The following SLC9A9 variants were observed in gnomAD, a reference collection of about 807,000 sequenced individuals.
SLC9A9 encodes sodium/hydrogen exchanger 9.
In SLC9A9, 62 loss-of-function variants were observed where a neutral mutation model predicts 77.8. That is an observed-to-expected ratio of 0.80 (90% CI 0.65 to 0.98). The LOEUF is 0.98. Among genes scored for constraint, SLC9A9 ranks in the 50% least tolerant of loss-of-function variants. SLC9A9 has a pLI of 0.00. For missense variants in SLC9A9, 775 were observed against 774.9 expected, an observed-to-expected ratio of 1.00 and a Z score of 0.00; for synonymous variants, 320 against 283.5, an observed-to-expected ratio of 1.13 and a Z score of -1.29.
intron 12 of SLC9A9, among the ~76,000 whole-genome samples, chr3:143,421,436 A>G (rs184712772): frequency 6.8e-4 from 103 of 152,334 alleles, no homozygotes; most frequent in African/African-American, 2.3e-3. Context: ...TGAACAGAAT[A>G]GAAAACTCAG....
At chr3:143,827,925 C>T (rs556690075) in intron 2 of SLC9A9, among the ~76,000 whole-genome samples, 2 of 152,330 alleles carry the variant, frequency 1.3e-5, no homozygotes, top group African/African-American at 4.8e-5. Context: ...GACCTCCCTG[C>T]ACTCTTTCTA....
At chr3:143,333,294 A>G (rs1390490297) in intron 14 of SLC9A9, among the ~76,000 whole-genome samples, 1 of 142,898 alleles carries the variant, frequency 7.0e-6, no homozygotes, top group South Asian at 2.3e-4. Context: ...TTTTAAAAAC[A>G]TCCATACAAA....
At chr3:143,322,901 A>T (rs1327104378) in intron 14 of SLC9A9, among the ~76,000 whole-genome samples, 1 of 152,212 alleles carries the variant, frequency 6.6e-6, no homozygotes, top group East Asian at 1.9e-4. Context: ...AAAGAACACG[A>T]ATAGACATTT....
chr3:143,420,703 A>G lies in SLC9A9; in HGVS notation c.1470-38589T>C, dbSNP rs77575704. On this transcript the variant is annotated intron_variant, in intron 12 of 15. Transcript: ENST00000316549. Reference sequence around the variant, plus strand: ...GAGGCATTGTGCCAAGTGGTTTTACATACATTTAAATATCACAGTTGCCCT... The same window carrying G: ...GAGGCATTGTGCCAAGTGGTTTTACGTACATTTAAATATCACAGTTGCCCT... 2.6e-5 allele frequency among the ~76,000 whole-genome samples: 4 copies of G among 152,282 alleles called. No individual in the cohort carries two copies. In the South Asian group the frequency reaches 8.3e-4, roughly 32 times the overall value.
At chr3:143,422,550 CACATAG>C (rs906895441) in intron 12 of SLC9A9, among the ~76,000 whole-genome samples, 1 of 151,996 alleles carries the variant, frequency 6.6e-6, no homozygotes, top group African/African-American at 2.4e-5. Flanking sequence ...ACACTGGGTA[CACATAG>C]ACATAAAGAT....
chr3:143,558,824 T>C (rs1422510858), intron 8 of SLC9A9, among the ~76,000 whole-genome samples: 1 of 152,090 alleles, frequency 6.6e-6, no homozygotes, highest in Non-Finnish European at 1.5e-5. Flanking sequence ...AGGGCATGAT[T>C]GTGTTTTGAA....
intron 6 of SLC9A9, among the ~76,000 whole-genome samples, chr3:143,604,231 G>C (rs1037729586): frequency 6.6e-6 from 1 of 152,082 alleles, no homozygotes; most frequent in Non-Finnish European, 1.5e-5. Context: ...CCTTAGCCCT[G>C]TAAGCCCACT....
chr3:143,674,874 A>G (rs1397939988), intron 5 of SLC9A9, among the ~76,000 whole-genome samples: 1 of 152,196 alleles, frequency 6.6e-6, no homozygotes, highest in Non-Finnish European at 1.5e-5. Flanking sequence ...AGCCTCCTTC[A>G]TCTCAATAAT....
At chr3:143,640,019 CTTTTTTTTTTTT>C (rs10575577) in intron 6 of SLC9A9, among the ~76,000 whole-genome samples, 2 of 124,148 alleles carry the variant, frequency 1.6e-5, no homozygotes, top group South Asian at 2.6e-4. Context: ...CTTTTTTTTT[CTTTTTTTTTTTT>C]TTTTTTTTGA....
At chr3:143,605,052 A>T (rs917241741) in intron 6 of SLC9A9, among the ~76,000 whole-genome samples, 3 of 152,022 alleles carry the variant, frequency 2.0e-5, no homozygotes, top group Non-Finnish European at 4.4e-5. Context: ...TGCTTGTCTA[A>T]ACCACATGGA....
At chr3:143,397,268 A>C (rs955055157) in intron 12 of SLC9A9, among the ~76,000 whole-genome samples, 5 of 152,236 alleles carry the variant, frequency 3.3e-5, no homozygotes, top group Non-Finnish European at 7.3e-5. Context: ...CTGCCTGGGC[A>C]ATTAGGGATT....
Position 143,744,534 on chromosome 3 carries a change from G to A in SLC9A9, c.533+50467C>T, listed in dbSNP as rs111707761. ...ATATCTCTCTCTTCACGGCCCCATCGCTACTCAGCAGCCTGCCTAAGCCCT... is the reference window on the plus strand; with the variant it reads ...ATATCTCTCTCTTCACGGCCCCATCACTACTCAGCAGCCTGCCTAAGCCCT... On this transcript the variant is annotated intron_variant, in intron 4 of 15. Transcript: ENST00000316549. Among the ~76,000 whole-genome samples the A allele has an allele frequency of 2.7e-3, 416 of 152,178 alleles. 1 individual carries two copies. The highest frequency in any genetic ancestry group is 9.6e-3 in the African/African-American group (400 of 41,518).
chr3:143,522,381 T>G (rs1435833779), intron 9 of SLC9A9, among the ~76,000 whole-genome samples: 2 of 152,198 alleles, frequency 1.3e-5, no homozygotes, highest in Non-Finnish European at 2.9e-5. Context: ...TATATACAAT[T>G]CTTGCCTCCA....
At chr3:143,412,270 A>G (rs1478129230) in intron 12 of SLC9A9, among the ~76,000 whole-genome samples, 1 of 151,490 alleles carries the variant, frequency 6.6e-6, no homozygotes, top group East Asian at 1.9e-4. Context: ...CTCTAACCTC[A>G]CTTTTGTTGG....
rs537726135 is a variant in SLC9A9 at position 143,466,174 on chromosome 3, C to T, written c.1469+863G>A. Among the ~76,000 whole-genome samples the T allele has an allele frequency of 1.0e-3, 156 of 152,242 alleles. 4 individuals are homozygous for T. In the South Asian group the frequency reaches 0.027, roughly 27 times the overall value. On this transcript the variant is annotated intron_variant, in intron 12 of 15. Transcript: ENST00000316549. ...CCTTTTCTAGTCAGATGGATCTTTA[C>T]GTGTTGAAGGCAGTAGGTATAAATC...
chr3:143,824,260 T>C (rs1171639743), intron 2 of SLC9A9, among the ~76,000 whole-genome samples: 1 of 151,748 alleles, frequency 6.6e-6, no homozygotes, highest in Non-Finnish European at 1.5e-5. Context: ...GATCTTAGAA[T>C]ATTCATGAAT....
chr3:143,426,174 C>T (rs192474828), intron 12 of SLC9A9, among the ~76,000 whole-genome samples: 9 of 152,264 alleles, frequency 5.9e-5, no homozygotes, highest in East Asian at 5.8e-4. Flanking sequence ...CACAGATGTA[C>T]GGACTGGCAA....
chr3:143,649,981 T>C (rs1345833778), intron 6 of SLC9A9, among the ~76,000 whole-genome samples: 1 of 151,956 alleles, frequency 6.6e-6, no homozygotes, highest in Non-Finnish European at 1.5e-5. Context: ...GAAAGGCAAA[T>C]ATATATGTAA....
chr3:143,413,133 G>A (rs765237442), intron 12 of SLC9A9, among the ~76,000 whole-genome samples: 1 of 152,122 alleles, frequency 6.6e-6, no homozygotes, highest in Non-Finnish European at 1.5e-5. Context: ...GAATAACAGG[G>A]ACCGTGGTTC....
Sources: allele counts gnomAD v4.1 joint callset (sites outside exome capture counted in the v4.1 genomes callset), GRCh38; gene constraint gnomAD v4.1.1; transcripts MANE v1.5; gene names NCBI Gene and HGNC (gene_info 2026-07-23, HGNC 2026-07-21).